Variants in MYH13 observed in about 807,000 individuals in gnomAD.
MYH13 encodes the protein myosin heavy chain 13, also known as myosin-13.
In MYH13, 177 loss-of-function variants were observed where a neutral mutation model predicts 232.1. The observed-to-expected ratio is 0.76, with a 90% CI of 0.67 to 0.86. The LOEUF is 0.86. Ranked by LOEUF, MYH13 falls within the 40% of genes least tolerant of loss-of-function variation. MYH13 has a pLI of 0.00. For missense variants in MYH13, 2,246 were observed against 2,405.9 expected (o/e 0.93, Z 1.39); for synonymous variants, 884 against 923.5 (o/e 0.96, Z 0.78).
rs1298176365 is a variant in MYH13 at position 10,309,514 on chromosome 17, G to C, written c.4965+8C>G. 16 of 1,603,378 alleles carry C rather than the reference G, an allele frequency of 1.0e-5. No individual in the cohort carries two copies. Among genetic ancestry groups the C allele is most frequent in the Non-Finnish European group, 1.4e-5 (16 of 1,174,164 alleles). On this transcript the variant is annotated splice_region_variant and intron_variant, in intron 34 of 40. Coordinates refer to ENST00000252172, the MANE Select transcript of MYH13 (RefSeq NM_003802.3). The stretch of plus-strand genomic sequence containing the variant: ...GTCCAGGTACGCAGAGGCGGCCACC[G>C]TGCTCACCTTGAGCTGGCCCTGGAC...
rs774277331 is a variant in MYH13 at position 10,343,888 on chromosome 17, G to T, written c.1806C>A (p.Pro602=). 15 of 1,614,098 alleles carry T rather than the reference G, an allele frequency of 9.3e-6. No homozygotes were observed. The highest frequency in any genetic ancestry group is 1.2e-5 in the Non-Finnish European group (14 of 1,180,046). The change falls in exon 16 of 41, where the codon CCC becomes CCA. Residue 602 remains proline, a synonymous_variant. Coordinates refer to ENST00000252172, the MANE Select transcript of MYH13 (RefSeq NM_003802.3). ...IAGWLDKNKD[P]LNETVVGLYQ... is the part of the protein sequence containing the mutation. ...ACAGCCCCACCACAGTCTCGTTCAG[G>T]GGGTCCTTGTTTTTGTCCAGCCAGC...
chr17:10,307,416 A>G (rs548773479), intron 35 of MYH13, among the ~76,000 whole-genome samples: 4 of 152,376 alleles, frequency 2.6e-5, no homozygotes, highest in African/African-American at 9.6e-5. Context: ...ATATGCCATA[A>G]ATAGAATTGT....
rs935326531 is a variant in MYH13, at chr17:10,307,124, G to A, written c.5170-60C>T. On this transcript the variant is annotated intron_variant, in intron 35 of 40. Coordinates refer to ENST00000252172, the MANE Select transcript of MYH13 (RefSeq NM_003802.3). ...CTATTGGGGCGCTTAAAAAAATTGGGAGAGGGTTGGCTGGGGAGGGAAGTA... is the reference window on the plus strand; with the variant it reads ...CTATTGGGGCGCTTAAAAAAATTGGAAGAGGGTTGGCTGGGGAGGGAAGTA... 2.4e-5 allele frequency: 38 copies of A among 1,587,524 alleles called. No individual in the cohort carries two copies. In the African/African-American group the frequency reaches 4.6e-4, roughly 19 times the overall value.
chr17:10,309,381 CTGCTCCTTG>C lies in MYH13; in HGVS notation c.5013_5021del (p.Lys1672_Gln1674del). ...CATTCCTGCGCTCCACGATGGCCAG[CTGCTCCTTG>C]AGGTCCTCATTGCTCCTCAGGGCGT... On this transcript the variant is annotated inframe_deletion, in exon 35 of 41. Transcript: ENST00000252172. 1 of 1,611,994 alleles carries C rather than the reference CTGCTCCTTG, an allele frequency of 6.2e-7. No homozygotes were observed. The highest frequency in any genetic ancestry group is 8.5e-7 in the Non-Finnish European group (1 of 1,179,066).
Position 10,309,330 on chromosome 17 carries a change from T to TTCCTCCAGC in MYH13, c.5064_5072dup (p.Leu1689_Glu1691dup). On this transcript the variant is annotated inframe_insertion, in exon 35 of 41. Coordinates refer to ENST00000252172, the MANE Select transcript of MYH13 (RefSeq NM_003802.3). The stretch of plus-strand genomic sequence containing the variant: ...CCGTCTGTTCCAGGGCCACCTTCAT[T>TTCCTCCAGC]TCCTCCAGCTCCTCCAGCAGGAGGC... The TTCCTCCAGC allele has an allele frequency of 1.2e-6, 2 of 1,613,886 alleles. No individual in the cohort carries two copies. The highest frequency in any genetic ancestry group is 1.1e-5 in the South Asian group (1 of 91,064).
chr17:10,321,518 T>A lies in MYH13; in HGVS notation c.3111+14A>T. 1 of 1,608,518 alleles carries A rather than the reference T, an allele frequency of 6.2e-7. No homozygotes were observed. Among genetic ancestry groups the A allele is most frequent in the Non-Finnish European group, 8.5e-7 (1 of 1,177,026 alleles). On this transcript the variant is annotated intron_variant, in intron 24 of 40. Coordinates refer to ENST00000252172, the MANE Select transcript of MYH13 (RefSeq NM_003802.3). Reference sequence around the variant, plus strand: ...AGTGATAAATGCTAAAGCATAGTAGTAAAATATCCTCACATCATCTGTTTG... The same window carrying A: ...AGTGATAAATGCTAAAGCATAGTAGAAAAATATCCTCACATCATCTGTTTG...
Position 10,311,206 on chromosome 17 carries a change from T to C in MYH13, c.4553A>G (p.Glu1518Gly). The C allele has an allele frequency of 6.2e-7, 1 of 1,614,048 alleles. No homozygotes were observed. The highest frequency in any genetic ancestry group is 8.5e-7 in the Non-Finnish European group (1 of 1,179,888). Residue 1518 changes from glutamate (E) to glycine (G), a missense_variant, in exon 33 of 41, where the codon GAG becomes GGG. Coordinates refer to ENST00000252172, the MANE Select transcript of MYH13 (RefSeq NM_003802.3). ...NLQEEISDLTEQIAETGKNLQ... is the reference protein window; with the variant it reads ...NLQEEISDLTGQIAETGKNLQ... ...ATTCTTGCCAGTTTCTGCAATCTGC[T>C]CAGTTAAGTCGGAAATCTCTTCTGC...
At position 10,320,401 on chromosome 17, in the gene MYH13, G is replaced by A. The variant is rs376010835; in HGVS notation, c.3207C>T (p.Ser1069=). ...LEGDLKMSQE[S]IMDLENDKQQ... is the part of the protein sequence containing the mutation. ...GCTTGTCATTTTCTAGATCCATAAT[G>A]GATTCCTGGGACATTTTCAGATCTC... The change falls in exon 25 of 41, where the codon TCC becomes TCT. Residue 1069 remains serine (S), a synonymous_variant. Coordinates refer to ENST00000252172, the MANE Select transcript of MYH13 (RefSeq NM_003802.3). 4.5e-5 allele frequency: 72 copies of A among 1,612,838 alleles called. No homozygotes were observed. Among genetic ancestry groups the A allele is most frequent in the Non-Finnish European group, 6.0e-5 (71 of 1,179,408 alleles).
In MYH13 at chr17:10,333,208, C is replaced by T. The variant is rs1293131523; in HGVS notation, c.2057-17G>A. On this transcript the variant is annotated splice_polypyrimidine_tract_variant and intron_variant, in intron 18 of 40. Transcript: ENST00000252172. The stretch of plus-strand genomic sequence containing the variant: ...CCATCACACCTGGAGAGAGAACGTC[C>T]CGGGGGTGTGCCTGTGACCCCTTCA... 1 of 1,511,406 alleles carries T rather than the reference C, an allele frequency of 6.6e-7. No individual in the cohort carries two copies. The highest frequency in any genetic ancestry group is 2.0e-5 in the Admixed American group (1 of 50,902). 93.6% of individuals were successfully genotyped at this position (1,511,406 alleles called of 1,614,324 possible).
chr17:10,318,089 A>G (rs922550380), intron 27 of MYH13, among the ~76,000 whole-genome samples: 2 of 152,106 alleles, frequency 1.3e-5, no homozygotes, highest in African/African-American at 4.8e-5. Context: ...CAAAAATACA[A>G]AAATTAGCCA....
In MYH13 at chr17:10,307,060, G is replaced by A. The variant is rs1410438667; in HGVS notation, c.5174C>T (p.Thr1725Ile). The A allele has an allele frequency of 6.2e-7, 1 of 1,613,840 alleles. No homozygotes were observed. The change falls in exon 36 of 41, where the codon ACA becomes ATA. Residue 1725 changes from threonine to isoleucine, a missense_variant. By Grantham distance (89) the Thr-to-Ile change is moderately conservative (BLOSUM62 -1). Transcript: ENST00000252172. ...TTTTTTCTTGGTATTTATCAGGCTT[G>A]TGTTCTACAAGAAGAATTAGATATC... ...DRVQLLHSQN[T>I]SLINTKKKLE... is the part of the protein sequence containing the mutation.
At position 10,313,163 on chromosome 17, in the gene MYH13, C is replaced by T. The variant is rs1906574857; in HGVS notation, c.4176G>A (p.Glu1392=). The T allele has an allele frequency of 6.2e-7, 1 of 1,614,150 alleles. No homozygotes were observed. The change falls in exon 30 of 41, where the codon GAG becomes GAA. Residue 1392 remains glutamate, a synonymous_variant. Transcript: ENST00000252172. ...TGCCACCCTGGAGCCCCTACTTGGC[C>T]TCCTCCAGCTCCTCTGTGCGCTGAA... is the stretch of plus-strand genomic sequence containing the variant. ...DAIQRTEELE[E]AKKKLAQRLQ...
chr17:10,361,346 C>T (rs2071791614), intron 5 of MYH13, among the ~76,000 whole-genome samples: 1 of 148,722 alleles, frequency 6.7e-6, no homozygotes, highest in South Asian at 2.1e-4. Flanking sequence ...GGCTGAAGTG[C>T]AGTGGCGAGA....
intron 2 of MYH13, among the ~76,000 whole-genome samples, chr17:10,364,939 G>C (rs928303596): frequency 1.3e-5 from 2 of 151,912 alleles, no homozygotes; most frequent in East Asian, 3.9e-4. Context: ...GCAATGGCTC[G>C]ATCTCGGCTC....
intron 22 of MYH13, among the ~76,000 whole-genome samples, chr17:10,327,163 G>T (rs918859524): frequency 7.5e-6 from 1 of 132,500 alleles, no homozygotes; most frequent in Non-Finnish European, 1.6e-5. Flanking sequence ...CACTACGCCC[G>T]GCTAATTTTT....
chr17:10,331,922 A>C (rs1223070731), intron 20 of MYH13, among the ~76,000 whole-genome samples, 177 bp downstream of exon 20: 2 of 152,074 alleles, frequency 1.3e-5, no homozygotes, highest in Non-Finnish European at 2.9e-5. Flanking sequence ...TCAGCCACTT[A>C]CAAACCAACA....
intron 39 of MYH13, 40 bp from the exon 40 acceptor site, chr17:10,301,743 C>T: frequency 6.2e-7 from 1 of 1,606,862 alleles, no homozygotes; most frequent in Non-Finnish European, 8.5e-7. Flanking sequence ...TGTAGAGCCT[C>T]TCAGTCCGAT....
At position 10,364,191 on chromosome 17, in the gene MYH13, C is replaced by A. The variant is rs142753349; in HGVS notation, c.204+136G>T. 3.7e-4 allele frequency: 338 copies of A among 906,648 alleles called. 2 individuals are homozygous for A. The African/African-American group carries it at 5.0e-3, about 13-fold the overall frequency. The allele number at this position is 906,648 out of a possible 1,614,324, so 56.2% of individuals were successfully genotyped here. Reference sequence around the variant, plus strand: ...ATGTAATAGCAGCTTTCATCTGCTACTTCACCGCAGAACAGATAAACTAAG... The same window carrying A: ...ATGTAATAGCAGCTTTCATCTGCTAATTCACCGCAGAACAGATAAACTAAG... On this transcript the variant is annotated intron_variant, in intron 3 of 40. Transcript: ENST00000252172.
At chr17:10,322,121 G>C (rs541456217) in intron 23 of MYH13, among the ~76,000 whole-genome samples, 14 of 152,140 alleles carry the variant, frequency 9.2e-5, no homozygotes, top group Non-Finnish European at 1.5e-4. Flanking sequence ...CGCCGGGCGC[G>C]GTGGCTCACG....
Sources: gnomAD v4.1 joint callset for allele counts (sites outside exome capture counted in the v4.1 genomes callset) on GRCh38, gnomAD v4.1.1 for gene constraint, MANE v1.5 for transcripts, NCBI Gene and HGNC (gene_info 2026-07-23, HGNC 2026-07-21) for gene names.